The following PTPN20 variants were observed in gnomAD, a reference collection of about 807,000 sequenced individuals.
The protein encoded by PTPN20 is tyrosine-protein phosphatase non-receptor type 20.
Under a neutral mutation model 35.0 loss-of-function variants are expected in PTPN20, and 9 were observed. The observed-to-expected ratio is 0.26, with a 90% CI of 0.15 to 0.45. PTPN20 has a LOEUF of 0.45. Ranked by LOEUF, PTPN20 falls within the 20% of genes least tolerant of loss-of-function variation. The pLI is 1.00. For synonymous variants in PTPN20, 32 were observed against 100.2 expected (o/e 0.32, Z 4.06); for missense variants, 111 against 312.5 (o/e 0.36, Z 4.86).
intron 5 of PTPN20, among the ~76,000 whole-genome samples, chr10:46,948,347 G>GT (rs2045637901): frequency 6.7e-6 from 1 of 149,272 alleles, no homozygotes; most frequent in South Asian, 2.2e-4. Flanking sequence ...ATTTTTTTCT[G>GT]TGATTGCTTT....
rs1400440077 is a variant in PTPN20, at chr10:46,983,350, G to A, written c.584-880G>A. 3.5e-4 allele frequency among the ~76,000 whole-genome samples: 53 copies of A among 150,916 alleles called. 1 individual carries two copies. The highest frequency in any genetic ancestry group is 1.3e-3 in the African/African-American group (52 of 41,094). On this transcript the variant is annotated intron_variant, in intron 7 of 10. Transcript: ENST00000374339. ...ATAAATGCCTGTTCAGGTCTTGTCAGCATATTTACTAGATAAGTGGTCCAT... is the reference window on the plus strand; with the variant it reads ...ATAAATGCCTGTTCAGGTCTTGTCAACATATTTACTAGATAAGTGGTCCAT...
intron 7 of PTPN20, among the ~76,000 whole-genome samples, chr10:46,977,769 T>C (rs1308236984): frequency 2.1e-5 from 1 of 47,704 alleles, no homozygotes; most frequent in Admixed American, 2.7e-4. Context: ...ACTCTTATAT[T>C]TTATAACAAC....
chr10:46,941,597 G>C (rs2043521030), intron 3 of PTPN20, among the ~76,000 whole-genome samples: 1 of 137,468 alleles, frequency 7.3e-6, no homozygotes, highest in Non-Finnish European at 1.5e-5. Flanking sequence ...TTCACAGAAT[G>C]GCCCAAGTAT....
At chr10:46,997,118 A>T (rs1052054201) in intron 9 of PTPN20, among the ~76,000 whole-genome samples, 1 of 152,104 alleles carries the variant, frequency 6.6e-6, no homozygotes, top group Non-Finnish European at 1.5e-5. Context: ...TGGTAAGTGT[A>T]TTTATTTAGG....
At chr10:46,996,221 C>T (rs2059083401) in intron 9 of PTPN20, among the ~76,000 whole-genome samples, 1 of 152,132 alleles carries the variant, frequency 6.6e-6, no homozygotes, top group African/African-American at 2.4e-5. Context: ...GACTATAAAA[C>T]TCAATATATG....
chr10:46,941,084 T>C (rs1461511927), intron 3 of PTPN20, among the ~76,000 whole-genome samples: 3 of 151,076 alleles, frequency 2.0e-5, no homozygotes, highest in Admixed American at 6.6e-5. Flanking sequence ...AGTAGAGGGC[T>C]GTGAAAAGTC....
Position 47,000,789 on chromosome 10 carries a change from C to A in PTPN20, c.*48C>A. 6.2e-7 allele frequency: 1 copy of A among 1,604,202 alleles called. No individual in the cohort carries two copies. The highest frequency in any genetic ancestry group is 8.5e-7 in the Non-Finnish European group (1 of 1,171,196). Reference sequence around the variant, plus strand: ...CTTGAAATTACCAAGTGGGTTTGCACCTCCTCATAAAGAACATGTTTGCAC... The same window carrying A: ...CTTGAAATTACCAAGTGGGTTTGCAACTCCTCATAAAGAACATGTTTGCAC... On this transcript the variant is annotated 3_prime_UTR_variant, in exon 11 of 11. Coordinates refer to ENST00000374339, the MANE Select transcript of PTPN20 (RefSeq NM_001042357.5).
intron 9 of PTPN20, among the ~76,000 whole-genome samples, chr10:46,998,605 A>G (rs1187741303): frequency 1.3e-5 from 2 of 149,690 alleles, no homozygotes; most frequent in Non-Finnish European, 3.0e-5. Context: ...AATTGCATGG[A>G]GCTCTGTGCA....
At chr10:46,972,373 C>T (rs1173821726) in intron 7 of PTPN20, among the ~76,000 whole-genome samples, 1 of 150,572 alleles carries the variant, frequency 6.6e-6, no homozygotes, top group African/African-American at 2.4e-5. Context: ...CAAATTAAAA[C>T]CATAATGAGA....
chr10:46,983,313 G>T (rs1301979491), intron 7 of PTPN20, among the ~76,000 whole-genome samples: 1 of 151,192 alleles, frequency 6.6e-6, no homozygotes, highest in Non-Finnish European at 1.5e-5. Context: ...GAAGAGTTCT[G>T]CCAGATATTA....
At chr10:46,958,949 C>T (rs1224525866) in intron 5 of PTPN20, among the ~76,000 whole-genome samples, 2 of 151,100 alleles carry the variant, frequency 1.3e-5, no homozygotes, top group African/African-American at 2.4e-5. Flanking sequence ...TATAGCCTAA[C>T]ACATGCAAAA....
intron 9 of PTPN20, among the ~76,000 whole-genome samples, chr10:46,993,271 C>T (rs1555178249): frequency 6.6e-6 from 1 of 152,212 alleles, no homozygotes. Flanking sequence ...ACCATGCCCA[C>T]ATCTCTTTAA....
At chr10:46,993,639 A>G (rs1242757292) in intron 9 of PTPN20, among the ~76,000 whole-genome samples, 4 of 152,254 alleles carry the variant, frequency 2.6e-5, no homozygotes, top group Non-Finnish European at 2.9e-5. Flanking sequence ...AGTAAAGAAT[A>G]GAAACAAAGA....
At chr10:46,993,308 G>A (rs1405315660) in intron 9 of PTPN20, among the ~76,000 whole-genome samples, 1 of 152,212 alleles carries the variant, frequency 6.6e-6, no homozygotes, top group Admixed American at 6.5e-5. Context: ...GGCAGCCTGT[G>A]CTCTCTCCTC....
intron 7 of PTPN20, among the ~76,000 whole-genome samples, chr10:46,983,079 T>TCC: frequency 1.5e-5 from 1 of 66,552 alleles, no homozygotes; most frequent in Non-Finnish European, 3.5e-5. Context: ...TTTTTTTTTT[T>TCC]TTTTTTTGTT....
At chr10:46,940,768 T>G (rs2043216165) in intron 3 of PTPN20, 51 bp downstream of exon 3, 2 of 1,426,698 alleles carry the variant, frequency 1.4e-6, no homozygotes, top group South Asian at 2.3e-5. Context: ...ATACCTAAAT[T>G]GCTGACTATG....
chr10:47,000,101 C>T, intron 10 of PTPN20, 127 bp downstream of exon 10: 2 of 1,412,714 alleles, frequency 1.4e-6, no homozygotes, highest in East Asian at 2.3e-5. Flanking sequence ...TTGAGGTAGA[C>T]ATTAGTTTTG....
chr10:47,003,446 G>A (rs1044230112), downstream of PTPN20, among the ~76,000 whole-genome samples: 4 of 152,106 alleles, frequency 2.6e-5, no homozygotes, highest in East Asian at 1.9e-4. Context: ...TTGTTCATAC[G>A]TTGTTCACAT....
intron 9 of PTPN20, among the ~76,000 whole-genome samples, chr10:46,997,692 A>G (rs944469509): frequency 8.6e-5 from 13 of 151,986 alleles, no homozygotes; most frequent in Non-Finnish European, 1.3e-4. Flanking sequence ...TCTAGAATTT[A>G]TAAGGAACCC....
Sources: allele counts gnomAD v4.1 joint callset (sites outside exome capture counted in the v4.1 genomes callset), GRCh38; gene constraint gnomAD v4.1.1; transcripts MANE v1.5; gene names NCBI Gene and HGNC (gene_info 2026-07-23, HGNC 2026-07-21).